The following CDK6 variants were observed in gnomAD, a reference collection of about 807,000 sequenced individuals.
CDK6 encodes cyclin dependent kinase 6.
A neutral mutation model predicts 37.1 loss-of-function variants in CDK6; 6 were observed. The ratio of observed to expected loss-of-function variants is 0.16; its 90% CI spans 0.09 to 0.32. CDK6 has a LOEUF of 0.32. Ranked by LOEUF, CDK6 falls within the 10% of genes least tolerant of loss-of-function variation. The probability of loss-of-function intolerance (pLI) is 1.00; values close to 1 mark genes in which losing one functional copy is unlikely to be tolerated. For missense variants in CDK6, 224 were observed against 418.9 expected (o/e 0.53, Z 4.06); for synonymous variants, 160 against 161.3 (o/e 0.99, Z 0.06).
chr7:92,672,160 T>TATATATACACACAC (rs1210519115), intron 4 of CDK6, among the ~76,000 whole-genome samples: 3 of 79,090 alleles, frequency 3.8e-5, no homozygotes, highest in Non-Finnish European at 7.1e-5. Flanking sequence ...TATATATATA[T>TATATATACACACAC]ACACATACAC....
At chr7:92,724,951 T>C in intron 4 of CDK6, 1 of 888,336 alleles carries the variant, frequency 1.1e-6, no homozygotes, top group Non-Finnish European at 1.3e-6. Context: ...TGAGAAATAA[T>C]GAACTATATG....
At chr7:92,812,478 T>C (rs1192503336) in intron 2 of CDK6, among the ~76,000 whole-genome samples, 1 of 151,950 alleles carries the variant, frequency 6.6e-6, no homozygotes, top group Admixed American at 6.6e-5. Flanking sequence ...GGTCAAGTGG[T>C]GTGATCATGG....
chr7:92,673,738 C>T (rs1330778987), intron 4 of CDK6, among the ~76,000 whole-genome samples: 4 of 151,858 alleles, frequency 2.6e-5, no homozygotes, highest in African/African-American at 7.3e-5. Flanking sequence ...TTTCTGTGGG[C>T]TGAACTTTTT....
intron 3 of CDK6, among the ~76,000 whole-genome samples, chr7:92,772,548 A>T (rs1562961140): frequency 6.6e-6 from 1 of 151,808 alleles, no homozygotes; most frequent in Non-Finnish European, 1.5e-5. Context: ...AAAAAAAAAA[A>T]TTAACTTTTA....
intron 3 of CDK6, among the ~76,000 whole-genome samples, chr7:92,733,376 G>C (rs976621942): frequency 3.3e-5 from 5 of 152,132 alleles, no homozygotes; most frequent in African/African-American, 1.2e-4. Flanking sequence ...AACATCACTA[G>C]GATGCCCAGC....
intron 3 of CDK6, among the ~76,000 whole-genome samples, chr7:92,753,060 T>C (rs965993418): frequency 1.3e-5 from 2 of 152,168 alleles, no homozygotes; most frequent in Non-Finnish European, 2.9e-5. Context: ...TTTATGGTGA[T>C]TAAATCTACT....
intron 3 of CDK6, among the ~76,000 whole-genome samples, chr7:92,738,592 C>T (rs1798844584): frequency 1.3e-5 from 2 of 151,352 alleles, no homozygotes; most frequent in South Asian, 4.2e-4. Flanking sequence ...TGAGCCAAGA[C>T]CGGCCACTGC....
At chr7:92,820,307 T>C (rs536961565) in intron 2 of CDK6, among the ~76,000 whole-genome samples, 28 of 152,268 alleles carry the variant, frequency 1.8e-4, no homozygotes, top group Non-Finnish European at 3.2e-4. Flanking sequence ...CATAGGGTTA[T>C]AATGTTGAAC....
chr7:92,820,598 C>A (rs1801148277), intron 2 of CDK6, among the ~76,000 whole-genome samples: 1 of 151,880 alleles, frequency 6.6e-6, no homozygotes, highest in Non-Finnish European at 1.5e-5. Context: ...AGAGATACTG[C>A]CCAAAGTGAA....
intron 3 of CDK6, among the ~76,000 whole-genome samples, chr7:92,739,573 C>T (rs1250418086): frequency 6.6e-6 from 1 of 152,236 alleles, no homozygotes; most frequent in East Asian, 1.9e-4. Flanking sequence ...TAACAAGTCA[C>T]GAAATCATGG....
chr7:92,764,821 C>T (rs1354990152), intron 3 of CDK6, among the ~76,000 whole-genome samples: 2 of 152,120 alleles, frequency 1.3e-5, no homozygotes, highest in Non-Finnish European at 2.9e-5. Flanking sequence ...TAATTTTTTC[C>T]ACCTTGCTTA....
At chr7:92,800,356 C>T (rs1444786804) in intron 2 of CDK6, among the ~76,000 whole-genome samples, 1 of 152,182 alleles carries the variant, frequency 6.6e-6, no homozygotes. Flanking sequence ...TCATTCATCT[C>T]CATGTATACG....
chr7:92,683,219 C>A (rs902097371), intron 4 of CDK6, among the ~76,000 whole-genome samples: 3 of 151,984 alleles, frequency 2.0e-5, no homozygotes, highest in Admixed American at 2.0e-4. Context: ...TTAAGGAAAT[C>A]TATTTGCTTT....
chr7:92,649,576 A>C (rs1326076627), intron 5 of CDK6, among the ~76,000 whole-genome samples: 1 of 152,246 alleles, frequency 6.6e-6, no homozygotes, highest in Non-Finnish European at 1.5e-5. Context: ...TATTGCTTCC[A>C]ATTGATGTGC....
At chr7:92,702,610 G>A (rs566506784) in intron 4 of CDK6, among the ~76,000 whole-genome samples, 1 of 152,190 alleles carries the variant, frequency 6.6e-6, no homozygotes, top group South Asian at 2.1e-4. Flanking sequence ...TGCTTTCAAG[G>A]TACATGTCTG....
chr7:92,635,711 G>A (rs904657644), intron 5 of CDK6, among the ~76,000 whole-genome samples: 1 of 151,984 alleles, frequency 6.6e-6, no homozygotes, highest in African/African-American at 2.4e-5. Context: ...AAATATGCAA[G>A]GAAAATTCAA....
chr7:92,614,904 T>C lies in CDK6; in HGVS notation c.*236A>G, dbSNP rs1295288049. 4.6e-6 allele frequency: 2 copies of C among 437,730 alleles called. No individual in the cohort carries two copies. The highest frequency in any genetic ancestry group is 8.1e-6 in the Non-Finnish European group (2 of 246,154). The allele number at this position is 437,730 out of a possible 1,614,324, so 27.1% of individuals were successfully genotyped here. The stretch of plus-strand genomic sequence containing the variant: ...CTTCTTCTGGAATTTTTCCAGGTTC[T>C]TGAAACAAACAGACAAACAAACAAA... On this transcript the variant is annotated 3_prime_UTR_variant, in exon 8 of 8. Coordinates refer to ENST00000424848, the MANE Select transcript of CDK6 (RefSeq NM_001145306.2).
intron 5 of CDK6, among the ~76,000 whole-genome samples, chr7:92,658,747 CT>C (rs1180480697): frequency 1.3e-5 from 2 of 152,132 alleles, no homozygotes; most frequent in East Asian, 3.8e-4. Context: ...TGTTATTTTA[CT>C]TTTTCGTTTA....
At chr7:92,763,112 C>G (rs1799498765) in intron 3 of CDK6, among the ~76,000 whole-genome samples, 1 of 152,086 alleles carries the variant, frequency 6.6e-6, no homozygotes, top group Admixed American at 6.6e-5. Flanking sequence ...TGGCCAGTGA[C>G]AACAGTGAAC....
Sources: allele counts gnomAD v4.1 joint callset (sites outside exome capture counted in the v4.1 genomes callset), GRCh38; gene constraint gnomAD v4.1.1; transcripts MANE v1.5; gene names NCBI Gene and HGNC (gene_info 2026-07-23, HGNC 2026-07-21).